Variants in CRPPA observed in about 807,000 individuals in gnomAD.
CRPPA encodes D-ribitol-5-phosphate cytidylyltransferase.
A neutral mutation model predicts 52.0 loss-of-function variants in CRPPA; 43 were observed. That is an observed-to-expected ratio of 0.83 (90% CI 0.65 to 1.07). CRPPA has a LOEUF of 1.07. Ranked by LOEUF, CRPPA falls within the 50% of genes least tolerant of loss-of-function variation. The probability of loss-of-function intolerance (pLI) is 0.00; values close to 1 mark genes in which losing one functional copy is unlikely to be tolerated. For synonymous variants in CRPPA, 250 were observed against 203.5 expected (o/e 1.23, Z -1.94); for missense variants, 629 against 551.7 (o/e 1.14, Z -1.40).
At chr7:16,124,083 G>A (rs1782528288) in intron 9 of CRPPA, among the ~76,000 whole-genome samples, 1 of 150,284 alleles carries the variant, frequency 6.7e-6, no homozygotes, top group African/African-American at 2.4e-5. Flanking sequence ...TTGGATTGCT[G>A]GATCATATAG....
chr7:16,243,215 C>T (rs1783174412), intron 8 of CRPPA, among the ~76,000 whole-genome samples: 1 of 152,178 alleles, frequency 6.6e-6, no homozygotes, highest in Non-Finnish European at 1.5e-5. Context: ...TCTTCTCTCA[C>T]CTGTCGCCTT....
At chr7:16,225,547 A>G (rs1782625123) in intron 8 of CRPPA, among the ~76,000 whole-genome samples, 1 of 151,982 alleles carries the variant, frequency 6.6e-6, no homozygotes, top group Admixed American at 6.6e-5. Flanking sequence ...CAGAATATAA[A>G]TCACCAAAGT....
intron 2 of CRPPA, among the ~76,000 whole-genome samples, chr7:16,378,953 G>C (rs1380102160): frequency 1.3e-5 from 2 of 151,742 alleles, no homozygotes; most frequent in Non-Finnish European, 2.9e-5. Flanking sequence ...CTTTTTGATG[G>C]GGTTGTTTTT....
At chr7:16,188,206 G>C (rs1184405228) in intron 9 of CRPPA, among the ~76,000 whole-genome samples, 1 of 151,774 alleles carries the variant, frequency 6.6e-6, no homozygotes, top group Non-Finnish European at 1.5e-5. Flanking sequence ...GGATGGTCTC[G>C]ATTTCCTGAC....
chr7:16,196,527 C>T (rs764357676), intron 9 of CRPPA, among the ~76,000 whole-genome samples: 4 of 152,158 alleles, frequency 2.6e-5, no homozygotes, highest in Non-Finnish European at 4.4e-5. Flanking sequence ...ACAGAAGACA[C>T]ACTGTAGATA....
At chr7:16,402,699 TA>T (rs10711388) in intron 2 of CRPPA, among the ~76,000 whole-genome samples, 69,055 of 142,894 alleles carry the variant, frequency 0.48, 16,606 homozygotes, top group African/African-American at 0.62. Context: ...TAGACAGAGC[TA>T]AAAAAAAAAA....
At chr7:16,277,691 T>A (rs566236363) in intron 6 of CRPPA, among the ~76,000 whole-genome samples, 1 of 152,252 alleles carries the variant, frequency 6.6e-6, no homozygotes, top group East Asian at 1.9e-4. Flanking sequence ...AGGAAGTTGG[T>A]CACTTCACAT....
chr7:16,298,950 A>C (rs892055620), intron 5 of CRPPA, among the ~76,000 whole-genome samples: 2 of 152,212 alleles, frequency 1.3e-5, no homozygotes, highest in African/African-American at 4.8e-5. Context: ...TTGGGTTTGT[A>C]CTGGAACTCT....
chr7:16,400,263 T>C (rs1439358775), intron 2 of CRPPA, among the ~76,000 whole-genome samples: 1 of 152,146 alleles, frequency 6.6e-6, no homozygotes, highest in African/African-American at 2.4e-5. Flanking sequence ...CACGTGATTG[T>C]CACGTGATTA....
intron 8 of CRPPA, among the ~76,000 whole-genome samples, chr7:16,250,686 TC>T (rs1583465746): frequency 6.6e-6 from 1 of 152,134 alleles, no homozygotes; most frequent in East Asian, 1.9e-4. Context: ...AGAGAGTCTG[TC>T]ACCACCAGGC....
At chr7:16,242,171 G>A (rs1047709141) in intron 8 of CRPPA, among the ~76,000 whole-genome samples, 2 of 151,650 alleles carry the variant, frequency 1.3e-5, no homozygotes, top group East Asian at 1.9e-4. Context: ...AGCCAAGATG[G>A]TCTCAATCTC....
intron 1 of CRPPA, among the ~76,000 whole-genome samples, chr7:16,419,529 G>T (rs957656266): frequency 3.9e-5 from 6 of 152,106 alleles, no homozygotes; most frequent in African/African-American, 1.4e-4. Flanking sequence ...ACAGTTTAGG[G>T]GTCATGCATC....
intron 1 of CRPPA, among the ~76,000 whole-genome samples, chr7:16,412,780 CTCCTGA>C (rs1562691926): frequency 6.6e-6 from 1 of 152,178 alleles, no homozygotes; most frequent in Admixed American, 6.5e-5. Flanking sequence ...CTGTCAAGTT[CTCCTGA>C]ATATTTCCTT....
intron 3 of CRPPA, among the ~76,000 whole-genome samples, chr7:16,371,279 GA>G (rs1341145082): frequency 1.3e-5 from 2 of 152,044 alleles, no homozygotes; most frequent in African/African-American, 4.8e-5. Context: ...TAAAATACTG[GA>G]GAAAAATTAA....
intron 2 of CRPPA, among the ~76,000 whole-genome samples, chr7:16,383,500 G>A (rs1414454786): frequency 6.6e-6 from 1 of 152,202 alleles, no homozygotes; most frequent in African/African-American, 2.4e-5. Context: ...GCTGTGTGCT[G>A]GGAGAACCAC....
rs563026835 is a variant in CRPPA, at chr7:16,400,595, T to C, written c.534+5466A>G. Among the ~76,000 whole-genome samples the C allele has an allele frequency of 3.3e-5, 5 of 152,322 alleles. No individual in the cohort carries two copies. The South Asian group carries it at 8.3e-4, about 25-fold the overall frequency. On this transcript the variant is annotated intron_variant, in intron 2 of 9. Coordinates refer to ENST00000407010, the MANE Select transcript of CRPPA (RefSeq NM_001101426.4). ...CATTTGTGACACACAATTGACACGA[T>C]TGGCATGTGATCAACACAACCGACA...
At chr7:16,399,368 C>G (rs1787727214) in intron 2 of CRPPA, among the ~76,000 whole-genome samples, 1 of 151,708 alleles carries the variant, frequency 6.6e-6, no homozygotes, top group Non-Finnish European at 1.5e-5. Flanking sequence ...ATTGACGTGA[C>G]ACATTTGTGA....
chr7:16,217,617 C>T (rs1782366370), intron 8 of CRPPA, among the ~76,000 whole-genome samples: 1 of 146,376 alleles, frequency 6.8e-6, no homozygotes, highest in Non-Finnish European at 1.5e-5. Context: ...GAGCTGAAAG[C>T]CAAGGCTCGA....
At chr7:16,320,850 A>G (rs1785249741) in intron 3 of CRPPA, among the ~76,000 whole-genome samples, 1 of 152,282 alleles carries the variant, frequency 6.6e-6, no homozygotes, top group Middle Eastern at 3.4e-3. Flanking sequence ...TTGTTCTCAT[A>G]TCAGTCATTT....
Sources: allele counts gnomAD v4.1 joint callset (sites outside exome capture counted in the v4.1 genomes callset), GRCh38; gene constraint gnomAD v4.1.1; transcripts MANE v1.5; gene names NCBI Gene and HGNC (gene_info 2026-07-23, HGNC 2026-07-21).